Variants in ST6GAL1 observed in about 807,000 individuals in gnomAD.
The protein encoded by ST6GAL1 is ST6 beta-galactoside alpha-2,6-sialyltransferase 1.
In ST6GAL1, 20 loss-of-function variants were observed where a neutral mutation model predicts 38.0. The observed-to-expected ratio is 0.53, with a 90% CI of 0.37 to 0.77. The LOEUF (loss-of-function observed/expected upper bound fraction) is 0.77, where lower values mean the gene tolerates loss of function less well. Ranked by LOEUF, ST6GAL1 falls within the 30% of genes least tolerant of loss-of-function variation. The pLI, the probability that ST6GAL1 is intolerant of heterozygous loss-of-function variation, is 0.00. For missense variants in ST6GAL1, 432 were observed against 496.4 expected (o/e 0.87, Z 1.23); for synonymous variants, 196 against 188.2 (o/e 1.04, Z -0.34).
intron 2 of ST6GAL1, among the ~76,000 whole-genome samples, chr3:186,982,672 G>T (rs1458211035): frequency 6.6e-6 from 1 of 151,914 alleles, no homozygotes; most frequent in African/African-American, 2.4e-5. Context: ...AAGTGTCTGT[G>T]TGTAATTCTC....
At chr3:186,998,258 G>A (rs971970714) in intron 2 of ST6GAL1, among the ~76,000 whole-genome samples, 6 of 152,098 alleles carry the variant, frequency 3.9e-5, no homozygotes, top group South Asian at 2.1e-4. Context: ...GAAAATCCAC[G>A]TATAACTTTT....
intron 1 of ST6GAL1, among the ~76,000 whole-genome samples, chr3:186,935,497 A>G (rs55647362): frequency 0.32 from 48,482 of 151,970 alleles, 7,726 homozygotes; most frequent in Middle Eastern, 0.35. Context: ...AGAACAATTT[A>G]TATTCCTTCG....
At position 187,075,427 on chromosome 3, in the gene ST6GAL1, A is replaced by C; in HGVS notation, c.980-135A>C. ...TGGCTTGCTGAAACTTAGATTGGGA[A>C]TCACAGTCATAAATAGAAACTCCAG... On this transcript the variant is annotated intron_variant, in intron 7 of 7. Coordinates refer to ENST00000169298, the MANE Select transcript of ST6GAL1 (RefSeq NM_173216.2). The surrounding 1 kb of genome is among the most constrained non-coding windows in gnomAD (Gnocchi z 4.1). 1 of 1,341,984 alleles carries C rather than the reference A, an allele frequency of 7.5e-7. No homozygotes were observed. The highest frequency in any genetic ancestry group is 1.0e-6 in the Non-Finnish European group (1 of 985,384). The allele number at this position is 1,341,984 out of a possible 1,614,324, so 83.1% of individuals were successfully genotyped here.
intron 2 of ST6GAL1, among the ~76,000 whole-genome samples, chr3:187,037,914 C>T (rs1468857168): frequency 1.3e-5 from 2 of 151,792 alleles, no homozygotes; most frequent in Non-Finnish European, 2.9e-5. Flanking sequence ...AGTACTTTTT[C>T]ACGTTTTTTT....
intron 2 of ST6GAL1, among the ~76,000 whole-genome samples, chr3:186,998,951 G>A (rs894401558): frequency 1.4e-4 from 21 of 152,236 alleles, no homozygotes; most frequent in African/African-American, 5.1e-4. Flanking sequence ...AGAGAGGTTA[G>A]GTAACTTGCC....
At chr3:187,027,459 C>T (rs750341260) in intron 2 of ST6GAL1, among the ~76,000 whole-genome samples, 3 of 152,122 alleles carry the variant, frequency 2.0e-5, no homozygotes, top group East Asian at 1.9e-4. Context: ...TTCAGGAACC[C>T]GCATTTTAAC....
chr3:187,049,540 G>T (rs1224264186), intron 4 of ST6GAL1, among the ~76,000 whole-genome samples: 13 of 152,192 alleles, frequency 8.5e-5, no homozygotes, highest in Non-Finnish European at 1.9e-4. Context: ...AAAGGCAACA[G>T]CTCCCGACAG....
intron 5 of ST6GAL1, among the ~76,000 whole-genome samples, chr3:187,060,234 C>A (rs1718863322): frequency 6.6e-6 from 1 of 152,134 alleles, no homozygotes; most frequent in South Asian, 2.1e-4. Flanking sequence ...GATCTCAGCT[C>A]ACTGCAAACA....
At chr3:187,055,358 T>G (rs1394127287) in intron 5 of ST6GAL1, among the ~76,000 whole-genome samples, 2 of 152,192 alleles carry the variant, frequency 1.3e-5, no homozygotes, top group African/African-American at 4.8e-5. Flanking sequence ...CTTTTGAATT[T>G]GTTTACTCTT....
chr3:186,960,265 T>A (rs1269143133), intron 1 of ST6GAL1, among the ~76,000 whole-genome samples: 2 of 152,172 alleles, frequency 1.3e-5, no homozygotes, highest in Non-Finnish European at 2.9e-5. Context: ...TCTAGATGCT[T>A]CTGGGTCTAA....
rs951254246 is a variant in ST6GAL1, at chr3:187,007,986, A to C, written c.-182-30756A>C. The stretch of plus-strand genomic sequence containing the variant: ...ACAATGAAATATACATTATGAAACA[A>C]AAAAAAATTGGAGAAAAATGAAAAG... On this transcript the variant is annotated intron_variant, in intron 2 of 7. Coordinates refer to ENST00000169298, the MANE Select transcript of ST6GAL1 (RefSeq NM_173216.2). Among the ~76,000 whole-genome samples, 11 of 9,066 alleles carry C rather than the reference A, an allele frequency of 1.2e-3. No homozygotes were observed. In the South Asian group the frequency reaches 0.068, roughly 56 times the overall value. The allele number at this position is 9,066 out of a possible 152,430, so 5.9% of individuals were successfully genotyped here.
At chr3:187,024,392 C>A (rs1717442919) in intron 2 of ST6GAL1, among the ~76,000 whole-genome samples, 1 of 149,492 alleles carries the variant, frequency 6.7e-6, no homozygotes, top group African/African-American at 2.5e-5. Flanking sequence ...CGCGCCCAGC[C>A]TAAATGTTTT....
At chr3:186,995,126 T>TA (rs1472303260) in intron 2 of ST6GAL1, among the ~76,000 whole-genome samples, 1 of 152,118 alleles carries the variant, frequency 6.6e-6, no homozygotes, top group Non-Finnish European at 1.5e-5. Context: ...TGTATATAGA[T>TA]ATGGGTGTGT....
At chr3:186,977,856 A>C (rs985528896) in intron 2 of ST6GAL1, among the ~76,000 whole-genome samples, 1 of 152,236 alleles carries the variant, frequency 6.6e-6, no homozygotes, top group Non-Finnish European at 1.5e-5. Context: ...CACTTGAAAT[A>C]GTTTTAATTT....
chr3:187,037,807 G>A (rs1175204710), intron 2 of ST6GAL1, among the ~76,000 whole-genome samples: 1 of 152,080 alleles, frequency 6.6e-6, no homozygotes, highest in African/African-American at 2.4e-5. Flanking sequence ...AATAATGGAT[G>A]TACATTTTAG....
At chr3:187,053,368 T>G (rs1718580827) in intron 5 of ST6GAL1, among the ~76,000 whole-genome samples, 2 of 152,244 alleles carry the variant, frequency 1.3e-5, no homozygotes, top group Admixed American at 6.5e-5. Flanking sequence ...CATGAAGTCC[T>G]TGCCCATGCC....
intron 2 of ST6GAL1, among the ~76,000 whole-genome samples, chr3:186,990,768 G>A (rs1375134320): frequency 2.7e-5 from 4 of 150,254 alleles, no homozygotes; most frequent in South Asian, 2.1e-4. Flanking sequence ...AGCCGAGATC[G>A]TACCATTGCG....
intron 1 of ST6GAL1, among the ~76,000 whole-genome samples, chr3:186,945,071 C>A (rs929095700): frequency 6.6e-6 from 1 of 152,168 alleles, no homozygotes; most frequent in Admixed American, 6.5e-5. Context: ...AAAATCCTAG[C>A]ACTTTGGGAG....
chr3:187,064,549 G>A (rs1190910653), intron 5 of ST6GAL1: 5 of 456,548 alleles, frequency 1.1e-5, no homozygotes, highest in African/African-American at 6.0e-5. Flanking sequence ...CCAGGGCTGC[G>A]AGGAAGGTGG....
Sources: gnomAD v4.1 joint callset for allele counts (sites outside exome capture counted in the v4.1 genomes callset) on GRCh38, gnomAD v4.1.1 for gene constraint, Gnocchi (gnomAD v3.1) non-coding constraint, MANE v1.5 for transcripts, NCBI Gene and HGNC (gene_info 2026-07-23, HGNC 2026-07-21) for gene names.